Variants in PRKCA observed in about 807,000 individuals in gnomAD.
PRKCA encodes the protein protein kinase C alpha type.
Under a neutral mutation model 87.0 loss-of-function variants are expected in PRKCA, and 27 were observed. The observed-to-expected ratio is 0.31, with a 90% CI of 0.23 to 0.43. The LOEUF (loss-of-function observed/expected upper bound fraction) is 0.43, where lower values mean the gene tolerates loss of function less well. Among genes scored for constraint, PRKCA ranks in the 20% least tolerant of loss-of-function variants. The pLI is 1.00. For synonymous variants in PRKCA, 329 were observed against 311.1 expected, an observed-to-expected ratio of 1.06 and a Z score of -0.61; for missense variants, 518 against 852.3, an observed-to-expected ratio of 0.61 and a Z score of 4.88.
At chr17:66,641,857 C>A (rs1971305604) in intron 4 of PRKCA, among the ~76,000 whole-genome samples, 1 of 152,082 alleles carries the variant, frequency 6.6e-6, no homozygotes, top group Non-Finnish European at 1.5e-5. Flanking sequence ...CATTATCTTC[C>A]TGTGTCTCTA....
intron 4 of PRKCA, among the ~76,000 whole-genome samples, chr17:66,642,573 A>G (rs906870698): frequency 6.6e-6 from 1 of 152,122 alleles, no homozygotes; most frequent in African/African-American, 2.4e-5. Flanking sequence ...GCCTATTGCC[A>G]TTTGCTAATG....
intron 8 of PRKCA, among the ~76,000 whole-genome samples, chr17:66,711,523 C>A (rs1973327272): frequency 6.6e-6 from 1 of 152,158 alleles, no homozygotes; most frequent in Admixed American, 6.6e-5. Context: ...GTTTTAAAAA[C>A]CTGGTCTATT....
rs766029612 is a variant in PRKCA, at chr17:66,688,361, GAAC to G, written c.752_754del (p.Thr251del). On this transcript the variant is annotated inframe_deletion, in exon 7 of 17. Transcript: ENST00000413366. ...TCTGTAGAAATCTGGGACTGGGATC[GAAC>G]AACAAGGAATGACTTCATGGGATCC... 1 of 1,614,030 alleles carries G rather than the reference GAAC, an allele frequency of 6.2e-7. No individual in the cohort carries two copies. Among genetic ancestry groups the G allele is most frequent in the African/African-American group, 1.3e-5 (1 of 74,916 alleles).
chr17:66,660,573 T>C lies in PRKCA; in HGVS notation c.529+15062T>C, dbSNP rs1374416844. 2.6e-5 allele frequency among the ~76,000 whole-genome samples: 4 copies of C among 152,060 alleles called. No homozygotes were observed. The East Asian group carries it at 7.7e-4, about 29-fold the overall frequency. On this transcript the variant is annotated intron_variant, in intron 5 of 16. Coordinates refer to ENST00000413366, the MANE Select transcript of PRKCA (RefSeq NM_002737.3). ...ACCACGGCTCAGGGAATATGGCTAC[T>C]ATGTAGGGTCTTTGGGGTTATAAAG... is the stretch of plus-strand genomic sequence containing the variant.
At chr17:66,427,059 G>A (rs891027583) in intron 2 of PRKCA, among the ~76,000 whole-genome samples, 2 of 151,896 alleles carry the variant, frequency 1.3e-5, no homozygotes, top group African/African-American at 4.8e-5. Context: ...TTTAAGAGAC[G>A]AGGTCTTGCT....
rs113607372 is a variant in PRKCA, at chr17:66,794,454, C to CT, written c.1854+5487dup. ...AATTATCGAAGCTGGTGCAAGGATC[C>CT]TTTTTTTTTTTTAATTTTATTTTGA... On this transcript the variant is annotated intron_variant, in intron 16 of 16. Coordinates refer to ENST00000413366, the MANE Select transcript of PRKCA (RefSeq NM_002737.3). 2.4e-3 allele frequency among the ~76,000 whole-genome samples: 338 copies of CT among 141,672 alleles called. 1 individual carries two copies. Among genetic ancestry groups the CT allele is most frequent in the African/African-American group, 7.5e-3 (290 of 38,730 alleles). The allele number at this position is 141,672 out of a possible 152,430, so 92.9% of individuals were successfully genotyped here. A position where few individuals can be genotyped will look rare whatever the true frequency, so the allele number is the denominator to read the frequency against.
chr17:66,635,464 T>A (rs1317062318), intron 3 of PRKCA, among the ~76,000 whole-genome samples: 3 of 152,212 alleles, frequency 2.0e-5, no homozygotes, highest in African/African-American at 7.2e-5. Context: ...TGCCTGTGCC[T>A]TGAGATGATT....
At chr17:66,747,413 C>T (rs117156645) in intron 13 of PRKCA, among the ~76,000 whole-genome samples, 3,649 of 152,328 alleles carry the variant, frequency 0.024, 47 homozygotes, top group Non-Finnish European at 0.03. Flanking sequence ...GAGTCTTCCT[C>T]ACAGCATCGC....
chr17:66,502,271 G>A (rs1916768031), intron 3 of PRKCA, among the ~76,000 whole-genome samples: 1 of 151,046 alleles, frequency 6.6e-6, no homozygotes, highest in South Asian at 2.1e-4. Flanking sequence ...GTCTCGCTCT[G>A]TTTCCCAGGC....
chr17:66,437,592 G>A (rs1385096410), intron 2 of PRKCA, among the ~76,000 whole-genome samples: 1 of 152,022 alleles, frequency 6.6e-6, no homozygotes, highest in Non-Finnish European at 1.5e-5. Flanking sequence ...GAGCCCCAGA[G>A]CCAGAGGACC....
intron 3 of PRKCA, among the ~76,000 whole-genome samples, chr17:66,575,798 C>T (rs1279083991): frequency 6.8e-6 from 1 of 146,470 alleles, no homozygotes; most frequent in African/African-American, 2.7e-5. Flanking sequence ...AGATGATATT[C>T]TTAGTGTTAG....
At chr17:66,727,986 A>G (rs1973797293) in intron 8 of PRKCA, among the ~76,000 whole-genome samples, 1 of 152,180 alleles carries the variant, frequency 6.6e-6, no homozygotes, top group East Asian at 1.9e-4. Context: ...GATTAGACCC[A>G]GACTGAAAGT....
In PRKCA at chr17:66,550,408, T is replaced by C. The variant is rs1050588535; in HGVS notation, c.288+54125T>C. ...GTCCATGTCTGTAATCCCAACACTT[T>C]GGGAGGCCGAGGCAGGTAGATCACC... is the stretch of plus-strand genomic sequence containing the variant. On this transcript the variant is annotated intron_variant, in intron 3 of 16. Coordinates refer to ENST00000413366, the MANE Select transcript of PRKCA (RefSeq NM_002737.3). Among the ~76,000 whole-genome samples, 3 of 152,108 alleles carry C rather than the reference T, an allele frequency of 2.0e-5. No individual in the cohort carries two copies. The East Asian group carries it at 5.8e-4, about 29-fold the overall frequency.
intron 8 of PRKCA, among the ~76,000 whole-genome samples, chr17:66,694,659 T>C (rs995474572): frequency 6.6e-6 from 1 of 151,808 alleles, no homozygotes; most frequent in African/African-American, 2.4e-5. Flanking sequence ...CCAGTACTTT[T>C]GTTGGTGTAA....
At chr17:66,678,494 T>G (rs1248437660) in intron 5 of PRKCA, among the ~76,000 whole-genome samples, 1 of 152,208 alleles carries the variant, frequency 6.6e-6, no homozygotes, top group Non-Finnish European at 1.5e-5. Flanking sequence ...AGAGCTAGAT[T>G]AAGTCCTGTG....
intron 3 of PRKCA, among the ~76,000 whole-genome samples, chr17:66,624,632 C>T (rs1045221960): frequency 4.6e-5 from 7 of 151,964 alleles, no homozygotes; most frequent in Non-Finnish European, 8.8e-5. Flanking sequence ...GAAACCCCCT[C>T]TCTACTAAAA....
chr17:66,518,854 G>C (rs920214156), intron 3 of PRKCA, among the ~76,000 whole-genome samples: 3 of 152,184 alleles, frequency 2.0e-5, no homozygotes, highest in African/African-American at 7.2e-5. Flanking sequence ...CATGGAAACA[G>C]ATCTTGGAGT....
intron 5 of PRKCA, among the ~76,000 whole-genome samples, chr17:66,685,154 C>T (rs1364361764): frequency 6.6e-6 from 1 of 152,154 alleles, no homozygotes; most frequent in Non-Finnish European, 1.5e-5. Flanking sequence ...TGAGCACTCA[C>T]ACCATGGATT....
At chr17:66,649,400 C>A (rs534690192) in intron 5 of PRKCA, among the ~76,000 whole-genome samples, 1 of 152,342 alleles carries the variant, frequency 6.6e-6, no homozygotes, top group Admixed American at 6.5e-5. Flanking sequence ...GTTCATAGGA[C>A]TGGACCTTTA....
Sources: allele counts gnomAD v4.1 joint callset (sites outside exome capture counted in the v4.1 genomes callset), GRCh38; gene constraint gnomAD v4.1.1; transcripts MANE v1.5; gene names NCBI Gene and HGNC (gene_info 2026-07-23, HGNC 2026-07-21).